TSGA10IP: variants seen among roughly 807,000 people sequenced by gnomAD.
TSGA10IP encodes the protein testis specific 10 interacting protein.
Under a neutral mutation model 63.2 loss-of-function variants are expected in TSGA10IP, and 64 were observed. That is an observed-to-expected ratio of 1.01 (90% confidence interval 0.83 to 1.25). The LOEUF (loss-of-function observed/expected upper bound fraction) is 1.25. Among genes scored for constraint, TSGA10IP ranks in the 50% most tolerant of loss-of-function variants. The pLI is 0.00. For missense variants in TSGA10IP, 681 were observed against 710.1 expected, an observed-to-expected ratio of 0.96 and a Z score of 0.47; for synonymous variants, 316 against 298.3, an observed-to-expected ratio of 1.06 and a Z score of -0.61.
rs377116599 is a variant in TSGA10IP at position 65,949,850 on chromosome 11, G to GTTTTT, written c.1151+1719_1151+1723dup. Among the ~76,000 whole-genome samples, 47 of 101,704 alleles carry GTTTTT rather than the reference G, an allele frequency of 4.6e-4. 6 individuals carry two copies. The highest frequency in any genetic ancestry group is 1.3e-3 in the East Asian group (4 of 3,120). 66.7% of individuals were successfully genotyped at this position (101,704 alleles called of 152,430 possible). On this transcript the variant is annotated intron_variant, in intron 4 of 7. Transcript: ENST00000532620. ...ACTAATTAACATATGCATTACCTCG[G>GTTTTT]TTTTTTTTTTTTTTTTTTTTTGAGA...
intron 5 of TSGA10IP, among the ~76,000 whole-genome samples, chr11:65,954,129 A>G (rs1411423753): frequency 6.6e-6 from 1 of 151,702 alleles, no homozygotes; most frequent in Non-Finnish European, 1.5e-5. Context: ...TCAGCTGAAG[A>G]GTCGCGTTTT....
chr11:65,946,306 T>C (rs1430886011), intron 1 of TSGA10IP, among the ~76,000 whole-genome samples: 2 of 152,082 alleles, frequency 1.3e-5, no homozygotes, highest in Non-Finnish European at 2.9e-5. Context: ...ACCGGCCTCC[T>C]AGGGTCCTTG....
At chr11:65,956,063 G>A (rs1855018426) in intron 5 of TSGA10IP, among the ~76,000 whole-genome samples, 2 of 152,054 alleles carry the variant, frequency 1.3e-5, no homozygotes, top group African/African-American at 2.4e-5. Flanking sequence ...CAAGTGGGGT[G>A]AGGGTCCTGC....
intron 4 of TSGA10IP, among the ~76,000 whole-genome samples, chr11:65,952,438 T>G (rs1397741676): frequency 6.7e-6 from 1 of 149,648 alleles, no homozygotes; most frequent in Admixed American, 6.6e-5. Flanking sequence ...GTGTGTGTGG[T>G]GTGTGTGTGT....
chr11:65,954,907 G>A (rs1270096024), intron 5 of TSGA10IP, among the ~76,000 whole-genome samples: 1 of 152,088 alleles, frequency 6.6e-6, no homozygotes, highest in African/African-American at 2.4e-5. Context: ...TATGGAAGTT[G>A]TTTATACCTA....
At chr11:65,956,715 A>T (rs969183861) in intron 5 of TSGA10IP, among the ~76,000 whole-genome samples, 3 of 151,788 alleles carry the variant, frequency 2.0e-5, no homozygotes, top group African/African-American at 7.3e-5. Context: ...TTTTTGGTAG[A>T]GACAGGGTTT....
At chr11:65,953,764 TG>T in intron 5 of TSGA10IP, 27 bp downstream of exon 5, 1 of 1,487,166 alleles carries the variant, frequency 6.7e-7, no homozygotes, top group South Asian at 1.3e-5. Flanking sequence ...TCGGGAGGCC[TG>T]GTTGGGAGAG....
At chr11:65,950,625 C>T (rs558348792) in intron 4 of TSGA10IP, among the ~76,000 whole-genome samples, 60 of 151,468 alleles carry the variant, frequency 4.0e-4, no homozygotes, top group African/African-American at 1.4e-3. Flanking sequence ...TGCAGTGGCG[C>T]GATCTCAGCT....
chr11:65,952,161 A>G (rs1447783066), intron 4 of TSGA10IP, among the ~76,000 whole-genome samples: 1 of 151,910 alleles, frequency 6.6e-6, no homozygotes, highest in African/African-American at 2.4e-5. Flanking sequence ...GCCTTTGCCC[A>G]TTTTTTGAGT....
chr11:65,959,440 G>A, intron 7 of TSGA10IP, 126 bp downstream of exon 7: 1 of 1,402,756 alleles, frequency 7.1e-7, no homozygotes, highest in Non-Finnish European at 9.5e-7. Context: ...GGAAGGCAAG[G>A]CCAGGGTTGT....
chr11:65,957,856 G>A (rs1855051730), intron 5 of TSGA10IP, among the ~76,000 whole-genome samples: 1 of 152,204 alleles, frequency 6.6e-6, no homozygotes, highest in Admixed American at 6.6e-5. Flanking sequence ...CCATGTGGGT[G>A]TGGCTCGAAG....
chr11:65,946,326 C>T (rs77659358), intron 1 of TSGA10IP, among the ~76,000 whole-genome samples: 3,734 of 152,198 alleles, frequency 0.025, 162 homozygotes, highest in African/African-American at 0.083. Context: ...GGGAAGGTTA[C>T]GTGTGTTTAT....
rs78226895 is a variant in TSGA10IP, at chr11:65,958,691, G to A, written c.1323-192G>A. Among the ~76,000 whole-genome samples, 1,114 of 152,332 alleles carry A rather than the reference G, an allele frequency of 7.3e-3. 71 individuals are homozygous for A. The East Asian group carries it at 0.16, about 21-fold the overall frequency. On this transcript the variant is annotated intron_variant, in intron 5 of 7. Transcript: ENST00000532620. ...GTCCCTCAACCCTCCCGATCCATCC[G>A]TAAATTGGGTGAATAATTTCCACCT...
Position 65,947,033 on chromosome 11 carries a change from T to A in TSGA10IP, c.284+17T>A. 6.2e-7 allele frequency: 1 copy of A among 1,613,796 alleles called. No individual in the cohort carries two copies. Among genetic ancestry groups the A allele is most frequent in the Admixed American group, 1.7e-5 (1 of 60,010 alleles). On this transcript the variant is annotated intron_variant, in intron 2 of 7. Coordinates refer to ENST00000532620, the Ensembl canonical transcript of TSGA10IP. ...GTCTGAAGAGTAAGCAGCAGTGGGA[T>A]GGGTCAGGAGGCTGTTGGGGGTCAG...
At chr11:65,953,700 G>A (rs1162492367) in exon 5 of TSGA10IP, 9 of 1,574,258 alleles carry the variant, frequency 5.7e-6, no homozygotes, top group Non-Finnish European at 7.7e-6. Context: ...AGGGAGCCGG[G>A]GCCCTGGGGC....
intron 4 of TSGA10IP, among the ~76,000 whole-genome samples, 168 bp downstream of exon 4, chr11:65,948,316 C>CCACA (rs1854883370): frequency 6.8e-6 from 1 of 146,958 alleles, no homozygotes; most frequent in African/African-American, 2.6e-5. Flanking sequence ...ATCCATCCAT[C>CCACA]CACCCATCCA....
chr11:65,948,919 G>C (rs1854894509), intron 4 of TSGA10IP, among the ~76,000 whole-genome samples: 1 of 152,124 alleles, frequency 6.6e-6, no homozygotes, highest in Non-Finnish European at 1.5e-5. Context: ...AGGTTGCAGT[G>C]AGCTGAGATT....
chr11:65,945,895 G>A (rs1337815883), intron 1 of TSGA10IP, 73 bp downstream of exon 1: 17 of 1,548,654 alleles, frequency 1.1e-5, no homozygotes, highest in Non-Finnish European at 1.5e-5. Context: ...GGCTGGGGAG[G>A]CCCTTGAGAA....
At position 65,956,094 on chromosome 11, in the gene TSGA10IP, G is replaced by A. The variant is rs142132512; in HGVS notation, c.1322+2357G>A. Among the ~76,000 whole-genome samples, 1,429 of 151,984 alleles carry A rather than the reference G, an allele frequency of 9.4e-3. 24 individuals carry two copies. The highest frequency in any genetic ancestry group is 0.032 in the African/African-American group (1,318 of 41,418). On this transcript the variant is annotated intron_variant, in intron 5 of 7. Transcript: ENST00000532620. The stretch of plus-strand genomic sequence containing the variant: ...CCTGCCCTGCCTTAAGGCCACTGAC[G>A]GCTCAGCGGGGTTCTTATCACCTAC...
Sources: allele counts gnomAD v4.1 joint callset (sites outside exome capture counted in the v4.1 genomes callset), GRCh38; gene constraint gnomAD v4.1.1; transcripts MANE v1.5; gene names NCBI Gene and HGNC (gene_info 2026-07-23, HGNC 2026-07-21).